SEC14L6: variants seen among roughly 807,000 people sequenced by gnomAD.
The protein encoded by SEC14L6 is SEC14-like protein 6.
A neutral mutation model predicts 54.1 loss-of-function variants in SEC14L6; 40 were observed. That is an observed-to-expected ratio of 0.74 (90% confidence interval 0.57 to 0.96). SEC14L6 has a LOEUF of 0.96. Ranked by LOEUF, SEC14L6 falls within the 40% of genes least tolerant of loss-of-function variation. SEC14L6 has a pLI of 0.00. For missense variants in SEC14L6, 471 were observed against 498.3 expected, an observed-to-expected ratio of 0.95 and a Z score of 0.52; for synonymous variants, 171 against 198.4, an observed-to-expected ratio of 0.86 and a Z score of 1.16.
chr22:30,542,410 C>G (rs866226305), intron 1 of SEC14L6: 2 of 425,754 alleles, frequency 4.7e-6, no homozygotes. Context: ...GGGAGGTCGG[C>G]CGCAACTTCC....
intron 2 of SEC14L6, among the ~76,000 whole-genome samples, chr22:30,536,407 C>T (rs904607850): frequency 1.3e-5 from 2 of 152,134 alleles, no homozygotes; most frequent in Non-Finnish European, 2.9e-5. Context: ...GGGAAGGAGT[C>T]TTAAGTGTAG....
intron 5 of SEC14L6, 176 bp downstream of exon 5, chr22:30,532,349 A>G: frequency 1.1e-6 from 1 of 941,194 alleles, no homozygotes; most frequent in Non-Finnish European, 1.3e-6. Flanking sequence ...TTCCCAGTTC[A>G]GCCACATACT....
At position 30,545,024 on chromosome 22, in the gene SEC14L6, C is replaced by T. The variant is rs2085784830; in HGVS notation, c.54+1605G>A. Reference sequence around the variant, plus strand: ...GCACCTCCCACCCCGCATACACCACCTACCCCATGCAAAACCCTATGATGG... The same window carrying T: ...GCACCTCCCACCCCGCATACACCACTTACCCCATGCAAAACCCTATGATGG... On this transcript the variant is annotated intron_variant, in intron 1 of 11. Coordinates refer to ENST00000402034, the MANE Select transcript of SEC14L6 (RefSeq NM_001193336.4). 2.0e-5 allele frequency among the ~76,000 whole-genome samples: 3 copies of T among 152,174 alleles called. No individual in the cohort carries two copies. The South Asian group carries it at 6.2e-4, about 32-fold the overall frequency.
chr22:30,526,028 C>T (rs1936769020), intron 8 of SEC14L6, 96 bp from the exon 9 acceptor site: 1 of 1,438,184 alleles, frequency 7.0e-7, no homozygotes, highest in East Asian at 2.5e-5. Flanking sequence ...GCCAGCTGCT[C>T]TCCCTCCCTG....
chr22:30,533,494 G>A (rs1284919283), intron 3 of SEC14L6, among the ~76,000 whole-genome samples: 1 of 152,072 alleles, frequency 6.6e-6, no homozygotes, highest in Non-Finnish European at 1.5e-5. Flanking sequence ...CCAGCTACTT[G>A]GGAGGCTGAG....
chr22:30,532,370 G>C, intron 5 of SEC14L6, 155 bp downstream of exon 5: 1 of 897,576 alleles, frequency 1.1e-6, no homozygotes, highest in Non-Finnish European at 1.3e-6. Flanking sequence ...GTGTGGCCTT[G>C]GGTGGGTCCT....
intron 5 of SEC14L6, 170 bp downstream of exon 5, chr22:30,532,355 A>T (rs1937006552): frequency 1.1e-6 from 1 of 937,074 alleles, no homozygotes; most frequent in African/African-American, 1.8e-5. Flanking sequence ...GTTCAGCCAC[A>T]TACTGTGTGG....
intron 1 of SEC14L6, among the ~76,000 whole-genome samples, chr22:30,541,460 A>T (rs1023231099): frequency 6.6e-6 from 1 of 152,104 alleles, no homozygotes; most frequent in African/African-American, 2.4e-5. Flanking sequence ...GGAGTTCGAG[A>T]CTAGTCTGGC....
chr22:30,541,200 A>T (rs1228898948), intron 1 of SEC14L6, among the ~76,000 whole-genome samples: 1 of 61,964 alleles, frequency 1.6e-5, no homozygotes, highest in African/African-American at 7.6e-5. Context: ...TTTTAAAAAA[A>T]TTTTTATTTA....
chr22:30,528,717 T>C (rs1227980866), intron 8 of SEC14L6, among the ~76,000 whole-genome samples: 1 of 152,062 alleles, frequency 6.6e-6, no homozygotes, highest in African/African-American at 2.4e-5. Context: ...AGCCACTGTG[T>C]GCCGCCAAAG....
chr22:30,537,021 CAA>C (rs11383409), intron 2 of SEC14L6, among the ~76,000 whole-genome samples: 5 of 78,500 alleles, frequency 6.4e-5, no homozygotes, highest in Non-Finnish European at 4.6e-5. Context: ...GACTCTGACT[CAA>C]AAAAAAAAAA....
At chr22:30,532,739 G>T in intron 4 of SEC14L6, 26 bp from the exon 5 acceptor site, 2 of 1,592,888 alleles carry the variant, frequency 1.3e-6, no homozygotes, top group Non-Finnish European at 1.7e-6. Flanking sequence ...GGAGACGGGG[G>T]TTCAGTGCCG....
intron 6 of SEC14L6, among the ~76,000 whole-genome samples, chr22:30,530,056 A>G (rs1206372931): frequency 6.6e-6 from 1 of 152,178 alleles, no homozygotes; most frequent in Non-Finnish European, 1.5e-5. Flanking sequence ...GAGTCCCAAT[A>G]GGCCCCATTA....
At chr22:30,534,840 C>T (rs997714033) in intron 2 of SEC14L6, among the ~76,000 whole-genome samples, 1 of 152,078 alleles carries the variant, frequency 6.6e-6, no homozygotes, top group Non-Finnish European at 1.5e-5. Context: ...GCCTGGACAA[C>T]ATAGTGAAAT....
intron 6 of SEC14L6, among the ~76,000 whole-genome samples, chr22:30,530,639 C>T (rs1331947298): frequency 5.3e-5 from 8 of 152,178 alleles, no homozygotes; most frequent in East Asian, 1.9e-4. Context: ...CGAGCTCAAG[C>T]GATCCTCCTG....
chr22:30,528,976 C>A, intron 8 of SEC14L6, 111 bp downstream of exon 8: 1 of 953,800 alleles, frequency 1.0e-6, no homozygotes, highest in Admixed American at 2.2e-5. Flanking sequence ...GGGCCCTCAA[C>A]ACCAGTTGGG....
chr22:30,534,568 C>T (rs1465574503), intron 2 of SEC14L6, among the ~76,000 whole-genome samples: 2 of 152,078 alleles, frequency 1.3e-5, no homozygotes, highest in East Asian at 3.9e-4. Flanking sequence ...CCCACCACCA[C>T]GCCTGGCTAA....
At position 30,531,986 on chromosome 22, in the gene SEC14L6, C is replaced by A. The variant is rs1179340986; in HGVS notation, c.436G>T (p.Val146Leu). The A allele has an allele frequency of 6.4e-7, 1 of 1,550,606 alleles. No homozygotes were observed. The highest frequency in any genetic ancestry group is 8.7e-7 in the Non-Finnish European group (1 of 1,146,950). ...ELQSQKLGKR[V>L]EKIIAIFGLE... ...CCAAAAATAGCTATGATTTTCTCCA[C>A]CCTCTTCCCCAGCTGCAAGGGAATG... Residue 146 changes from valine to leucine, a missense_variant, in exon 6 of 12, where the codon GTG becomes TTG. Physicochemically the swap from Val to Leu is conservative, Grantham distance 32. Coordinates refer to ENST00000402034, the MANE Select transcript of SEC14L6 (RefSeq NM_001193336.4).
At chr22:30,544,793 C>T (rs1297967537) in intron 1 of SEC14L6, among the ~76,000 whole-genome samples, 1 of 152,150 alleles carries the variant, frequency 6.6e-6, no homozygotes, top group Non-Finnish European at 1.5e-5. Context: ...GCTTGCCCCT[C>T]CAGCTAGCAC....
Sources: allele counts gnomAD v4.1 joint callset (sites outside exome capture counted in the v4.1 genomes callset), GRCh38; gene constraint gnomAD v4.1.1; transcripts MANE v1.5; gene names NCBI Gene and HGNC (gene_info 2026-07-23, HGNC 2026-07-21).